Variants in TRMT10A observed in about 807,000 individuals in gnomAD.
The protein encoded by TRMT10A is tRNA methyltransferase 10A, also known as tRNA methyltransferase 10 homolog A.
A neutral mutation model predicts 40.4 loss-of-function variants in TRMT10A; 37 were observed. That is an observed-to-expected ratio of 0.92 (90% confidence interval 0.71 to 1.21). The LOEUF is 1.21. Among genes scored for constraint, TRMT10A ranks in the 50% most tolerant of loss-of-function variants. TRMT10A has a pLI of 0.00. For synonymous variants in TRMT10A, 103 were observed against 134.1 expected (o/e 0.77, Z 1.60); for missense variants, 388 against 404.3 (o/e 0.96, Z 0.35).
At chr4:99,552,178 A>G (rs926537186) in intron 6 of TRMT10A, among the ~76,000 whole-genome samples, 1 of 152,202 alleles carries the variant, frequency 6.6e-6, no homozygotes, top group African/African-American at 2.4e-5. Context: ...TACAGTATTT[A>G]TAAAGTCTAC....
Position 99,557,270 on chromosome 4 carries a change from T to G in TRMT10A, c.420+75A>C. ...ACCTGTAAGACTACTGCAAAGACTA[T>G]AGGAATTATCTATGTCTTTTGCCAC... is the stretch of plus-strand genomic sequence containing the variant. On this transcript the variant is annotated intron_variant, in intron 4 of 7. Coordinates refer to ENST00000394876, the MANE Select transcript of TRMT10A (RefSeq NM_001134665.3). 18 of 1,438,782 alleles carry G rather than the reference T, an allele frequency of 1.3e-5. No individual in the cohort carries two copies. In the South Asian group the frequency reaches 1.9e-4, roughly 15 times the overall value. 89.1% of individuals were successfully genotyped at this position (1,438,782 alleles called of 1,614,324 possible).
chr4:99,558,498 C>T (rs1724257188), intron 2 of TRMT10A, among the ~76,000 whole-genome samples: 1 of 152,022 alleles, frequency 6.6e-6, no homozygotes. Context: ...TATCCCTAAC[C>T]TTATAAATAC....
intron 1 of TRMT10A, chr4:99,563,544 C>G (rs1724548165): frequency 4.3e-6 from 1 of 234,166 alleles, no homozygotes; most frequent in African/African-American, 2.3e-5. Context: ...CCCACTGATT[C>G]TTTGCAAACT....
chr4:99,563,653 C>G, intron 1 of TRMT10A: 1 of 334,254 alleles, frequency 3.0e-6, no homozygotes, highest in South Asian at 2.3e-5. Context: ...CCCTTCTAGG[C>G]TCCCAGCCAG....
At chr4:99,558,985 G>A (rs1330106499) in intron 2 of TRMT10A, among the ~76,000 whole-genome samples, 169 bp downstream of exon 2, 4 of 152,038 alleles carry the variant, frequency 2.6e-5, no homozygotes, top group South Asian at 2.1e-4. Flanking sequence ...AACAATATAC[G>A]TTGTTAGCTT....
chr4:99,547,717 TAGAC>T lies in TRMT10A; in HGVS notation c.*1367_*1370del, dbSNP rs1394182778. 1 of 152,004 alleles carries T rather than the reference TAGAC, an allele frequency of 6.6e-6. No homozygotes were observed. Among genetic ancestry groups the T allele is most frequent in the African/African-American group, 2.4e-5 (1 of 41,418 alleles). The allele number at this position is 152,004 out of a possible 1,614,324, so 9.4% of individuals were successfully genotyped here. On this transcript the variant is annotated 3_prime_UTR_variant, in exon 8 of 8. Coordinates refer to ENST00000394876, the MANE Select transcript of TRMT10A (RefSeq NM_001134665.3). ...ATTACTAAGAACAAAGTAACAAAAA[TAGAC>T]AGTAAATATCAGTACTAAATCCAAT...
chr4:99,555,929 A>G (rs1343052237), intron 5 of TRMT10A, among the ~76,000 whole-genome samples: 1 of 152,188 alleles, frequency 6.6e-6, no homozygotes, highest in Non-Finnish European at 1.5e-5. Context: ...AAAGTTGACC[A>G]TAAAATAGGG....
intron 7 of TRMT10A, among the ~76,000 whole-genome samples, chr4:99,550,453 G>A (rs1331045062): frequency 6.6e-6 from 1 of 152,190 alleles, no homozygotes; most frequent in Non-Finnish European, 1.5e-5. Context: ...GTCTCTCAAA[G>A]TGCTAGGATT....
chr4:99,558,321 T>C, intron 2 of TRMT10A, 110 bp from the exon 3 acceptor site: 2 of 1,002,504 alleles, frequency 2.0e-6, no homozygotes, highest in Non-Finnish European at 2.8e-6. Flanking sequence ...TCATATGAAA[T>C]TGTCACTTCT....
intron 1 of TRMT10A, among the ~76,000 whole-genome samples, chr4:99,560,015 ATT>A (rs757865139): frequency 4.9e-4 from 74 of 152,216 alleles, no homozygotes; most frequent in Middle Eastern, 6.8e-3. Flanking sequence ...ATGAAAATAT[ATT>A]GTTTTTAATA....
At chr4:99,551,666 TA>T (rs879806605) in intron 6 of TRMT10A, among the ~76,000 whole-genome samples, 71 of 146,116 alleles carry the variant, frequency 4.9e-4, no homozygotes, top group South Asian at 6.4e-4. Flanking sequence ...CTCCTACTCC[TA>T]AAAAAAAAAA....
At chr4:99,560,834 C>T (rs1724359601) in intron 1 of TRMT10A, among the ~76,000 whole-genome samples, 1 of 152,114 alleles carries the variant, frequency 6.6e-6, no homozygotes, top group Non-Finnish European at 1.5e-5. Context: ...ACAAATTGCT[C>T]TCTTCATGAA....
At chr4:99,557,800 CT>C (rs994222270) in intron 3 of TRMT10A, 2 of 450,244 alleles carry the variant, frequency 4.4e-6, no homozygotes, top group African/African-American at 2.1e-5. Flanking sequence ...GTCATCTAGA[CT>C]ACAAAGTGTG....
intron 7 of TRMT10A, 98 bp from the exon 8 acceptor site, chr4:99,549,454 G>A: frequency 1.4e-6 from 2 of 1,449,524 alleles, no homozygotes. Context: ...AAGAGTGCTA[G>A]TTTGTCCTAA....
chr4:99,551,117 T>TG (rs1439161863), intron 6 of TRMT10A, 127 bp from the exon 7 acceptor site: 12 of 638,760 alleles, frequency 1.9e-5, no homozygotes, highest in Non-Finnish European at 2.6e-5. Context: ...ATTATCTGAA[T>TG]GGGGGGTATG....
chr4:99,561,079 G>A (rs1218038147), intron 1 of TRMT10A, among the ~76,000 whole-genome samples: 1 of 151,676 alleles, frequency 6.6e-6, no homozygotes, highest in African/African-American at 2.4e-5. Context: ...CGATTCTACT[G>A]CCTCAACCTT....
intron 1 of TRMT10A, among the ~76,000 whole-genome samples, chr4:99,562,032 G>A (rs773009060): frequency 3.9e-5 from 6 of 151,968 alleles, no homozygotes; most frequent in African/African-American, 7.2e-5. Context: ...TTAGCCAGGC[G>A]TGGTAGTGGA....
intron 2 of TRMT10A, among the ~76,000 whole-genome samples, chr4:99,558,768 T>A (rs1287916024): frequency 6.6e-6 from 1 of 152,144 alleles, no homozygotes; most frequent in African/African-American, 2.4e-5. Context: ...AAACTTGATC[T>A]TTCTGAGTTG....
chr4:99,547,510 T>C lies in TRMT10A; in HGVS notation c.*1578A>G, dbSNP rs1358610201. 2 of 152,144 alleles carry C rather than the reference T, an allele frequency of 1.3e-5. No individual in the cohort carries two copies. Among genetic ancestry groups the C allele is most frequent in the African/African-American group, 4.8e-5 (2 of 41,456 alleles). The allele number at this position is 152,144 out of a possible 1,614,324, so 9.4% of individuals were successfully genotyped here. ...TAATTAAACAGTGCCCTATTTTACA[T>C]AAAATAATTTAAGTAAAAGGCATAA... On this transcript the variant is annotated 3_prime_UTR_variant, in exon 8 of 8. Transcript: ENST00000394876.
Sources: allele counts gnomAD v4.1 joint callset (sites outside exome capture counted in the v4.1 genomes callset), GRCh38; gene constraint gnomAD v4.1.1; transcripts MANE v1.5; gene names NCBI Gene and HGNC (gene_info 2026-07-23, HGNC 2026-07-21).